BLTP2: variants seen among roughly 807,000 people sequenced by gnomAD.
The protein encoded by BLTP2 is U937-associated antigen.
chr17:28,633,340 T>C, the BLTP2 span: 8 of 1,614,014 alleles, frequency 5.0e-6, no homozygotes, highest in Non-Finnish European at 5.1e-6. Flanking sequence ...CTGACCAGGT[T>C]TCCAATGAAA....
the BLTP2 span, among the ~76,000 whole-genome samples, chr17:28,622,672 A>C: frequency 6.6e-6 from 1 of 152,346 alleles, no homozygotes; most frequent in East Asian, 1.9e-4. Context: ...GTAAAATATA[A>C]CCTGGTTCAG....
At chr17:28,620,746 G>A in the BLTP2 span, 7 of 1,191,244 alleles carry the variant, frequency 5.9e-6, no homozygotes, top group Non-Finnish European at 8.4e-6. Context: ...AAGGGTGAGA[G>A]TTGCTCATGG....
chr17:28,624,867 G>A, the BLTP2 span, among the ~76,000 whole-genome samples: 2 of 152,086 alleles, frequency 1.3e-5, no homozygotes, highest in East Asian at 1.9e-4. Flanking sequence ...TCCTTGGCAT[G>A]TTCCCTTCTC....
At chr17:28,640,337 G>A in the BLTP2 span, 1 of 526,274 alleles carries the variant, frequency 1.9e-6, no homozygotes, top group Non-Finnish European at 3.3e-6. Flanking sequence ...AGGTTGTGGT[G>A]AGCCAAGATC....
At chr17:28,638,764 C>T in the BLTP2 span, 55 of 645,702 alleles carry the variant, frequency 8.5e-5, no homozygotes, top group East Asian at 1.2e-3. Context: ...ATTCTTAGGA[C>T]GAGACACACC....
the BLTP2 span, chr17:28,631,662 G>T: frequency 1.2e-6 from 2 of 1,614,134 alleles, no homozygotes; most frequent in Non-Finnish European, 1.7e-6. Context: ...CAGAGATAAG[G>T]CGCCGCATCA....
chr17:28,616,223 A>T, the BLTP2 span: 1 of 1,604,922 alleles, frequency 6.2e-7, no homozygotes, highest in South Asian at 1.1e-5. The surrounding 1 kb of genome is among the most constrained non-coding windows in gnomAD (Gnocchi z 4.8). Context: ...AAGGAGTGTG[A>T]GCCCTGAATC....
At chr17:28,614,620 C>T in the BLTP2 span, 1 of 155,774 alleles carries the variant, frequency 6.4e-6, no homozygotes, top group African/African-American at 2.4e-5. Context: ...AACACCAATA[C>T]CTCTTTCAAA....
the BLTP2 span, chr17:28,645,120 C>G: frequency 7.2e-7 from 1 of 1,380,600 alleles, no homozygotes; most frequent in Admixed American, 3.1e-5. Context: ...ACGCCGGATC[C>G]GCGCAGCACC....
At chr17:28,616,991 C>T in the BLTP2 span, 3 of 1,611,564 alleles carry the variant, frequency 1.9e-6, no homozygotes, top group Non-Finnish European at 2.5e-6. This position sits in a 1 kb window ranked among gnomAD's most constrained non-coding sequence, Gnocchi z 4.8. Flanking sequence ...TCTGGGGCCG[C>T]AGTACTACCT....
chr17:28,640,193 G>C, the BLTP2 span, among the ~76,000 whole-genome samples: 1 of 152,134 alleles, frequency 6.6e-6, no homozygotes, highest in Non-Finnish European at 1.5e-5. Context: ...AGGAGATCGA[G>C]ACCATCCTGG....
the BLTP2 span, chr17:28,620,913 T>G: frequency 1.4e-6 from 2 of 1,404,692 alleles, no homozygotes; most frequent in Non-Finnish European, 2.0e-6. Flanking sequence ...CTCTACTGTC[T>G]CAAAACCACC....
At chr17:28,642,807 G>A in the BLTP2 span, 1 of 859,876 alleles carries the variant, frequency 1.2e-6, no homozygotes, top group Non-Finnish European at 2.0e-6. Context: ...TTGATAAGGA[G>A]GCCCTGAAGC....
chr17:28,625,774 T>C, the BLTP2 span, among the ~76,000 whole-genome samples: 1 of 152,186 alleles, frequency 6.6e-6, no homozygotes, highest in Non-Finnish European at 1.5e-5. Context: ...TGCTTTTTTT[T>C]CTTCCCTTGA....
At chr17:28,620,910 G>C in the BLTP2 span, 6 of 1,354,670 alleles carry the variant, frequency 4.4e-6, no homozygotes, top group African/African-American at 1.4e-5. Context: ...TAACTCTACT[G>C]TCTCAAAACC....
chr17:28,628,320 TG>T, the BLTP2 span: 1 of 1,614,122 alleles, frequency 6.2e-7, no homozygotes, highest in Non-Finnish European at 8.5e-7. Flanking sequence ...TAACACGAGG[TG>T]GGGCTGAGGC....
the BLTP2 span, chr17:28,624,191 T>C: frequency 1.3e-6 from 2 of 1,590,306 alleles, no homozygotes; most frequent in Non-Finnish European, 1.7e-6. Context: ...AATATGATCA[T>C]GATCTAGCCT....
the BLTP2 span, among the ~76,000 whole-genome samples, chr17:28,641,508 C>T: frequency 2.0e-5 from 3 of 152,190 alleles, no homozygotes; most frequent in East Asian, 1.9e-4. Flanking sequence ...GGCATGGTGG[C>T]GGATGACTGT....
At chr17:28,639,405 T>C in the BLTP2 span, 1 of 1,613,860 alleles carries the variant, frequency 6.2e-7, no homozygotes, top group Non-Finnish European at 8.5e-7. Context: ...CTGGTGCCGG[T>C]AGTGAATGAT....
Sources: allele counts gnomAD v4.1 joint callset (sites outside exome capture counted in the v4.1 genomes callset), GRCh38; gene constraint gnomAD v4.1.1; non-coding constraint Gnocchi (gnomAD v3.1); transcripts MANE v1.5; gene names NCBI Gene and HGNC (gene_info 2026-07-23, HGNC 2026-07-21).